Variants in UTRN observed in about 807,000 individuals in gnomAD.
The protein encoded by UTRN is utrophin.
A neutral mutation model predicts 463.9 loss-of-function variants in UTRN; 283 were observed. The observed-to-expected ratio is 0.61, with a 90% confidence interval of 0.55 to 0.67. UTRN has a LOEUF of 0.67. UTRN is among the 30% of genes least tolerant of loss of function. UTRN has a pLI of 0.00. For missense variants in UTRN, 3,922 were observed against 4,084.3 expected (o/e 0.96, Z 1.08); for synonymous variants, 1,442 against 1,431.5 (o/e 1.01, Z -0.17).
intron 51 of UTRN, among the ~76,000 whole-genome samples, chr6:144,657,919 G>T (rs1389604588): frequency 1.3e-5 from 2 of 152,050 alleles, no homozygotes; most frequent in East Asian, 3.9e-4. Flanking sequence ...TGGTGCTGGT[G>T]CTGGTGGTTT....
At chr6:144,765,561 A>C (rs888139933) in intron 58 of UTRN, among the ~76,000 whole-genome samples, 6 of 152,110 alleles carry the variant, frequency 3.9e-5, no homozygotes, top group Admixed American at 1.3e-4. Context: ...CTACAGGTAC[A>C]TGCCACCATG....
chr6:144,353,762 G>C (rs542237429), intron 2 of UTRN, among the ~76,000 whole-genome samples: 1 of 152,106 alleles, frequency 6.6e-6, no homozygotes, highest in Admixed American at 6.6e-5. Context: ...GACGAGAATC[G>C]CTTGAACCTG....
chr6:144,826,348 A>G (rs1013868080), intron 66 of UTRN, among the ~76,000 whole-genome samples: 22 of 152,100 alleles, frequency 1.4e-4, no homozygotes, highest in Admixed American at 7.2e-4. Flanking sequence ...CTAAGTAGGT[A>G]TGTATAATAG....
At chr6:144,514,877 A>G in intron 37 of UTRN, 57 bp downstream of exon 37, 1 of 1,524,536 alleles carries the variant, frequency 6.6e-7, no homozygotes, top group Non-Finnish European at 8.9e-7. Flanking sequence ...TATCTAAATG[A>G]TAGTCATACA....
intron 55 of UTRN, among the ~76,000 whole-genome samples, chr6:144,751,479 G>A (rs1210915206): frequency 6.6e-6 from 1 of 152,094 alleles, no homozygotes; most frequent in South Asian, 2.1e-4. Flanking sequence ...CTCTGAGCTG[G>A]CCTTGCCATT....
intron 21 of UTRN, among the ~76,000 whole-genome samples, chr6:144,460,280 T>A (rs1041678461): frequency 6.6e-6 from 1 of 152,220 alleles, no homozygotes; most frequent in African/African-American, 2.4e-5. Flanking sequence ...GTTACACTAT[T>A]TACTTCCTAG....
intron 54 of UTRN, among the ~76,000 whole-genome samples, chr6:144,738,903 C>A (rs6940379): frequency 3.4e-4 from 52 of 152,084 alleles, no homozygotes; most frequent in African/African-American, 1.3e-3. Context: ...ATAGAAAAAC[C>A]CAGCTATTAC....
At chr6:144,403,693 C>T (rs1374400921) in intron 3 of UTRN, among the ~76,000 whole-genome samples, 1 of 152,138 alleles carries the variant, frequency 6.6e-6, no homozygotes, top group Non-Finnish European at 1.5e-5. Context: ...CAAAGATCTA[C>T]TCTTAGCATT....
intron 33 of UTRN, among the ~76,000 whole-genome samples, chr6:144,495,183 G>A (rs969136063): frequency 1.3e-5 from 2 of 152,218 alleles, no homozygotes; most frequent in African/African-American, 4.8e-5. Context: ...ATGGGAGTGG[G>A]CGCCGTGGAG....
At chr6:144,495,860 C>G (rs1011045486) in intron 33 of UTRN, among the ~76,000 whole-genome samples, 1 of 151,964 alleles carries the variant, frequency 6.6e-6, no homozygotes, top group East Asian at 1.9e-4. Flanking sequence ...GTTTTTAGTC[C>G]TAATGTTTTC....
At chr6:144,386,229 AG>A (rs1396962312) in intron 2 of UTRN, among the ~76,000 whole-genome samples, 1 of 152,128 alleles carries the variant, frequency 6.6e-6, no homozygotes, top group Non-Finnish European at 1.5e-5. Context: ...TGTGTGGTGT[AG>A]GCGGGCGGAC....
intron 3 of UTRN, among the ~76,000 whole-genome samples, chr6:144,419,681 G>T (rs1784658383): frequency 6.6e-6 from 1 of 152,104 alleles, no homozygotes; most frequent in African/African-American, 2.4e-5. Context: ...ATTAAATTAT[G>T]CCTTGTAAAA....
At position 144,444,338 on chromosome 6, in the gene UTRN, T is replaced by A. The variant is rs752156301; in HGVS notation, c.1570T>A (p.Leu524Ile). The part of the protein sequence containing the change: ...CRWTEERWNR[L>I]QEINILWQEL... ...TTGGACTGAAGAACGCTGGAATAGG[T>A]TACAAGAAATCAATATATTGTGGCA... Residue 524 changes from leucine to isoleucine, a missense_variant, in exon 14 of 75, where the codon TTA becomes ATA. Physicochemically the swap from Leu to Ile is conservative, Grantham distance 5. Around this residue, in one of 3 missense-constraint regions of UTRN, gnomAD observed 2,349 missense variants for 2,303.8 expected, o/e 1.02. Transcript: ENST00000367545. 1.9e-6 allele frequency: 3 copies of A among 1,611,024 alleles called. No individual in the cohort carries two copies. Among genetic ancestry groups the A allele is most frequent in the Non-Finnish European group, 2.5e-6 (3 of 1,178,208 alleles).
At chr6:144,462,904 G>A (rs549472568) in intron 23 of UTRN, 38 bp downstream of exon 23, 86 of 1,432,418 alleles carry the variant, frequency 6.0e-5, no homozygotes, top group African/African-American at 1.6e-4. Flanking sequence ...AGTTTATTAC[G>A]GGGTAAATAG....
At chr6:144,470,827 C>A (rs995931614) in intron 23 of UTRN, among the ~76,000 whole-genome samples, 3 of 151,904 alleles carry the variant, frequency 2.0e-5, no homozygotes, top group African/African-American at 7.3e-5. Context: ...GAACTGGAGA[C>A]CAGCCCGGCC....
At chr6:144,698,653 A>G (rs1784258449) in intron 52 of UTRN, among the ~76,000 whole-genome samples, 1 of 152,224 alleles carries the variant, frequency 6.6e-6, no homozygotes, top group Non-Finnish European at 1.5e-5. Flanking sequence ...TGACTGATCC[A>G]TATTTTCAAA....
intron 43 of UTRN, among the ~76,000 whole-genome samples, chr6:144,534,723 T>TTC (rs1206353638): frequency 6.6e-6 from 1 of 152,022 alleles, no homozygotes; most frequent in African/African-American, 2.4e-5. Flanking sequence ...ACTCAAAGAC[T>TTC]AAGAAGAAGA....
chr6:144,722,563 T>G (rs2128709712), intron 53 of UTRN, among the ~76,000 whole-genome samples: 1 of 152,290 alleles, frequency 6.6e-6, no homozygotes, highest in South Asian at 2.1e-4. Context: ...CATGACATGC[T>G]TCAAACAATA....
intron 65 of UTRN, among the ~76,000 whole-genome samples, chr6:144,815,097 C>T (rs1041756316): frequency 2.0e-5 from 3 of 152,174 alleles, no homozygotes; most frequent in African/African-American, 7.2e-5. Context: ...GCCAACTGAA[C>T]TTGACCTTCA....
Sources: allele counts gnomAD v4.1 joint callset (sites outside exome capture counted in the v4.1 genomes callset), GRCh38; gene constraint gnomAD v4.1.1; regional missense constraint gnomAD v4.1.1; transcripts MANE v1.5; gene names NCBI Gene and HGNC (gene_info 2026-07-23, HGNC 2026-07-21).